Variants in MAPK10 observed in about 807,000 individuals in gnomAD.
MAPK10 encodes the protein JNK3 alpha protein kinase.
In MAPK10, 25 loss-of-function variants were observed where a neutral mutation model predicts 59.3. The ratio of observed to expected loss-of-function variants is 0.42; its 90% CI spans 0.31 to 0.59. The LOEUF is 0.59. Ranked by LOEUF, MAPK10 falls within the 20% of genes least tolerant of loss-of-function variation. MAPK10 has a pLI of 0.15. For synonymous variants in MAPK10, 190 were observed against 200.5 expected (o/e 0.95, Z 0.44); for missense variants, 351 against 568.9 (o/e 0.62, Z 3.90).
At chr4:86,177,455 T>A (rs1369226651) in intron 3 of MAPK10, among the ~76,000 whole-genome samples, 1 of 152,122 alleles carries the variant, frequency 6.6e-6, no homozygotes, top group Non-Finnish European at 1.5e-5. Flanking sequence ...AAATTTTTAA[T>A]TGGATATTTT....
intron 8 of MAPK10, chr4:86,099,228 T>C (rs967545697): frequency 6.6e-6 from 1 of 152,296 alleles, no homozygotes; most frequent in African/African-American, 2.4e-5. Flanking sequence ...TAGTTTCCAT[T>C]TGAAATATTT....
chr4:86,445,964 TA>T (rs1405490425), intron 1 of MAPK10, among the ~76,000 whole-genome samples: 1 of 152,126 alleles, frequency 6.6e-6, no homozygotes. Context: ...CAGGTAAAGG[TA>T]AAGAAAAAAA....
chr4:86,135,905 C>T (rs1249411578), intron 4 of MAPK10, among the ~76,000 whole-genome samples: 15 of 151,906 alleles, frequency 9.9e-5, no homozygotes, highest in Admixed American at 2.0e-4. Flanking sequence ...CCTCAGGAGC[C>T]GATACGATCA....
chr4:86,127,193 G>C (rs1176818694), intron 4 of MAPK10, among the ~76,000 whole-genome samples: 2 of 107,236 alleles, frequency 1.9e-5, no homozygotes, highest in East Asian at 2.6e-4. Context: ...GGAGAATTAA[G>C]TTAGCTTAAT....
intron 1 of MAPK10, among the ~76,000 whole-genome samples, chr4:86,547,537 C>T (rs1307238977): frequency 2.0e-5 from 3 of 152,226 alleles, no homozygotes; most frequent in Non-Finnish European, 4.4e-5. Flanking sequence ...CTGAGCCTCC[C>T]CCGCGCTCCC....
At chr4:86,194,444 C>T (rs1411093525) in intron 2 of MAPK10, 37 bp from the exon 3 acceptor site, 3 of 1,235,692 alleles carry the variant, frequency 2.4e-6, no homozygotes, top group African/African-American at 3.0e-5. Context: ...ATTTTCAAAT[C>T]ACTAGTTTTT....
At chr4:86,175,439 C>T (rs1329633223) in intron 3 of MAPK10, among the ~76,000 whole-genome samples, 1 of 152,082 alleles carries the variant, frequency 6.6e-6, no homozygotes, top group African/African-American at 2.4e-5. Flanking sequence ...TTGTAATCCC[C>T]AGTGTTGGAG....
chr4:86,524,742 G>T (rs1757348237), intron 1 of MAPK10, among the ~76,000 whole-genome samples: 1 of 149,836 alleles, frequency 6.7e-6, no homozygotes, highest in Admixed American at 6.7e-5. Flanking sequence ...TTAAGTTGTT[G>T]TTGTTGTTCT....
chr4:86,206,638 T>C (rs2149343093), intron 2 of MAPK10, among the ~76,000 whole-genome samples: 1 of 152,344 alleles, frequency 6.6e-6, no homozygotes, highest in Admixed American at 6.5e-5. Context: ...TCCACAAGGG[T>C]TGAACTAGTT....
intron 1 of MAPK10, among the ~76,000 whole-genome samples, chr4:86,469,904 G>T (rs1752524457): frequency 6.6e-6 from 1 of 152,152 alleles, no homozygotes; most frequent in South Asian, 2.1e-4. Context: ...ACTGAGAATT[G>T]CATAGGGCAA....
At chr4:86,319,895 T>C (rs879447177) in intron 2 of MAPK10, among the ~76,000 whole-genome samples, 1 of 152,218 alleles carries the variant, frequency 6.6e-6, no homozygotes, top group Non-Finnish European at 1.5e-5. Context: ...AACCTCTTCC[T>C]CTATCTCTCT....
intron 2 of MAPK10, among the ~76,000 whole-genome samples, chr4:86,349,406 A>T (rs1288797617): frequency 6.6e-6 from 1 of 152,016 alleles, no homozygotes; most frequent in Non-Finnish European, 1.5e-5. Flanking sequence ...TCTTTTGTCA[A>T]TCATTCAATA....
Position 86,304,230 on chromosome 4 carries a change from A to G in MAPK10, c.-7+50300T>C, listed in dbSNP as rs1048498108. Among the ~76,000 whole-genome samples the G allele has an allele frequency of 1.1e-4, 16 of 152,176 alleles. No homozygotes were observed. In the East Asian group the frequency reaches 1.7e-3, roughly 16 times the overall value. On this transcript the variant is annotated intron_variant, in intron 2 of 13. Transcript: ENST00000641462. ...CAAATTGTGAAAGATCTCACGTGCC[A>G]TGCAAGAGTATAGACTGTCCAAAAA... is the stretch of plus-strand genomic sequence containing the variant.
At chr4:86,361,336 T>A (rs1165521338), upstream of MAPK10, among the ~76,000 whole-genome samples, 1 of 152,176 alleles carries the variant, frequency 6.6e-6, no homozygotes, top group African/African-American at 2.4e-5. Flanking sequence ...TACTCTAATT[T>A]CAATTTCAAC....
chr4:86,248,696 T>C (rs768442907), intron 2 of MAPK10, among the ~76,000 whole-genome samples: 1 of 152,212 alleles, frequency 6.6e-6, no homozygotes, highest in Non-Finnish European at 1.5e-5. Flanking sequence ...AATCGGGATA[T>C]ACGATCTCCT....
At chr4:86,587,615 T>C (rs1565083255) in intron 1 of MAPK10, among the ~76,000 whole-genome samples, 1 of 152,202 alleles carries the variant, frequency 6.6e-6, no homozygotes, top group East Asian at 1.9e-4. Flanking sequence ...AAGGATAATA[T>C]GCTCCTGGGC....
chr4:86,502,645 C>T (rs925590355), intron 1 of MAPK10, among the ~76,000 whole-genome samples: 1 of 151,976 alleles, frequency 6.6e-6, no homozygotes, highest in East Asian at 1.9e-4. Context: ...TGTACATTGC[C>T]TCTCCTCCAT....
intron 2 of MAPK10, among the ~76,000 whole-genome samples, chr4:86,247,550 C>A (rs1050035374): frequency 6.6e-6 from 1 of 152,168 alleles, no homozygotes; most frequent in Non-Finnish European, 1.5e-5. Context: ...ACAGCCCCTA[C>A]TCTCATAGAA....
At chr4:86,242,760 G>T (rs1241214947) in intron 2 of MAPK10, among the ~76,000 whole-genome samples, 1 of 152,202 alleles carries the variant, frequency 6.6e-6, no homozygotes, top group Non-Finnish European at 1.5e-5. Context: ...CCTGCCCAGA[G>T]AGCTTAGCAT....
Sources: gnomAD v4.1 joint callset for allele counts (sites outside exome capture counted in the v4.1 genomes callset) on GRCh38, gnomAD v4.1.1 for gene constraint, MANE v1.5 for transcripts, NCBI Gene and HGNC (gene_info 2026-07-23, HGNC 2026-07-21) for gene names.